The following C1QTNF3 variants were observed in gnomAD, a reference collection of about 807,000 sequenced individuals.
C1QTNF3 encodes complement C1q tumor necrosis factor-related protein 3.
A neutral mutation model predicts 32.6 loss-of-function variants in C1QTNF3; 26 were observed. The observed-to-expected ratio is 0.80, with a 90% CI of 0.58 to 1.11. The LOEUF is 1.11. Among genes scored for constraint, C1QTNF3 ranks in the 50% least tolerant of loss-of-function variants. The pLI is 0.00. For missense variants in C1QTNF3, 362 were observed against 398.2 expected (o/e 0.91, Z 0.77); for synonymous variants, 155 against 146.0 (o/e 1.06, Z -0.44).
chr5:34,069,655 G>A, the C1QTNF3 span, among the ~76,000 whole-genome samples: 1 of 152,144 alleles, frequency 6.6e-6, no homozygotes, highest in East Asian at 1.9e-4. Flanking sequence ...ACATTACGAT[G>A]AGAACGAAAG....
the C1QTNF3 span, among the ~76,000 whole-genome samples, chr5:34,220,105 G>C: frequency 1.3e-5 from 2 of 152,052 alleles, no homozygotes; most frequent in South Asian, 2.1e-4. Context: ...TTGTTTCAAT[G>C]CAACAGTAGT....
the C1QTNF3 span, among the ~76,000 whole-genome samples, chr5:34,087,849 GC>G: frequency 6.6e-6 from 1 of 152,244 alleles, no homozygotes; most frequent in African/African-American, 2.4e-5. Context: ...CTCCCAAAGT[GC>G]TGGGATTACA....
intron 2 of C1QTNF3, 30 bp downstream of exon 2, chr5:34,035,617 A>G (rs1231225734): frequency 7.4e-6 from 11 of 1,486,806 alleles, no homozygotes; most frequent in Non-Finnish European, 1.0e-5. Flanking sequence ...GGCTGCAATT[A>G]GATTGACAGT....
the C1QTNF3 span, among the ~76,000 whole-genome samples, chr5:34,178,138 G>A: frequency 2.0e-5 from 3 of 146,920 alleles, no homozygotes; most frequent in South Asian, 2.2e-4. Context: ...AAAATTAGGT[G>A]AGCATGGTGG....
chr5:34,056,367 C>T, the C1QTNF3 span, among the ~76,000 whole-genome samples: 3 of 148,656 alleles, frequency 2.0e-5, no homozygotes, highest in Non-Finnish European at 4.4e-5. Context: ...CATTTTGTCT[C>T]TAAGAATCAT....
intron 5 of C1QTNF3, 26 bp from the exon 6 acceptor site, chr5:34,020,768 A>G (rs2112092764): frequency 6.2e-7 from 1 of 1,602,592 alleles, no homozygotes; most frequent in Non-Finnish European, 8.5e-7. Context: ...GGAACAAACT[A>G]CTTAGTTTTT....
chr5:34,139,892 C>A, the C1QTNF3 span, among the ~76,000 whole-genome samples: 1 of 152,126 alleles, frequency 6.6e-6, no homozygotes, highest in African/African-American at 2.4e-5. Context: ...ATGAGCAAAT[C>A]ACGTAGGTGC....
chr5:34,217,093 C>A, the C1QTNF3 span, among the ~76,000 whole-genome samples: 2 of 152,086 alleles, frequency 1.3e-5, no homozygotes, highest in African/African-American at 4.8e-5. Context: ...AAATAGCAGT[C>A]TTGCCAAAAA....
At chr5:34,056,420 ATGTGTGTGTGTGTGTG>A in the C1QTNF3 span, among the ~76,000 whole-genome samples, 20 of 38,742 alleles carry the variant, frequency 5.2e-4, no homozygotes, top group Non-Finnish European at 7.2e-4. Flanking sequence ...ATGTATATGT[ATGTGTGTGTGTGTGTG>A]TGTGTGTGTG....
chr5:34,054,336 C>T, the C1QTNF3 span, among the ~76,000 whole-genome samples: 1 of 152,216 alleles, frequency 6.6e-6, no homozygotes, highest in African/African-American at 2.4e-5. Context: ...GAGATAAACA[C>T]AGTTCTGTAT....
At chr5:34,204,086 A>G in the C1QTNF3 span, among the ~76,000 whole-genome samples, 15 of 152,304 alleles carry the variant, frequency 9.8e-5, no homozygotes, top group Non-Finnish European at 1.6e-4. Flanking sequence ...AGACTTTACC[A>G]TCTCACTCAC....
chr5:34,228,747 G>A, the C1QTNF3 span, among the ~76,000 whole-genome samples: 10 of 152,098 alleles, frequency 6.6e-5, no homozygotes, highest in South Asian at 2.1e-3. Context: ...CATATCTTGA[G>A]TTTTCATTTT....
At chr5:34,158,022 T>C in the C1QTNF3 span, 1 of 152,056 alleles carries the variant, frequency 6.6e-6, no homozygotes, top group Non-Finnish European at 1.5e-5. Flanking sequence ...ATCCTCTCCA[T>C]CTACTCATAT....
the C1QTNF3 span, chr5:34,175,771 C>A: frequency 3.0e-6 from 2 of 664,836 alleles, no homozygotes; most frequent in Non-Finnish European, 5.5e-6. Flanking sequence ...GCAAGGCAAC[C>A]TGAAAAAATG....
the C1QTNF3 span, among the ~76,000 whole-genome samples, chr5:34,074,766 A>C: frequency 2.6e-5 from 4 of 151,706 alleles, no homozygotes; most frequent in Non-Finnish European, 4.4e-5. Context: ...GAAGGCACTA[A>C]GAATATGATA....
the C1QTNF3 span, among the ~76,000 whole-genome samples, chr5:34,062,809 A>G: frequency 3.3e-5 from 5 of 152,184 alleles, no homozygotes; most frequent in African/African-American, 1.2e-4. Flanking sequence ...TCACCATTTC[A>G]TTTTCTAACA....
chr5:34,025,908 C>G (rs1448359114), intron 4 of C1QTNF3, among the ~76,000 whole-genome samples: 2 of 152,184 alleles, frequency 1.3e-5, no homozygotes, highest in African/African-American at 4.8e-5. Context: ...AGATGATTTT[C>G]ATGACATTAA....
chr5:34,171,181 G>A, the C1QTNF3 span, among the ~76,000 whole-genome samples: 1 of 151,704 alleles, frequency 6.6e-6, no homozygotes, highest in East Asian at 1.9e-4. Flanking sequence ...GACTCATTCT[G>A]AATACCACAG....
At chr5:34,162,515 G>A in the C1QTNF3 span, among the ~76,000 whole-genome samples, 1 of 152,034 alleles carries the variant, frequency 6.6e-6, no homozygotes, top group African/African-American at 2.4e-5. Flanking sequence ...CAAATTAATG[G>A]TTTTGTCTAG....
Sources: allele counts gnomAD v4.1 joint callset (sites outside exome capture counted in the v4.1 genomes callset), GRCh38; gene constraint gnomAD v4.1.1; transcripts MANE v1.5; gene names NCBI Gene and HGNC (gene_info 2026-07-23, HGNC 2026-07-21).